The following ADAMTS18 variants were observed in gnomAD, a reference collection of about 807,000 sequenced individuals.
ADAMTS18 encodes the protein ADAM metallopeptidase with thrombospondin type 1 motif 18.
A neutral mutation model predicts 165.9 loss-of-function variants in ADAMTS18; 157 were observed. The ratio of observed to expected loss-of-function variants is 0.95; its 90% CI spans 0.83 to 1.08. The LOEUF (loss-of-function observed/expected upper bound fraction) is 1.08. Among genes scored for constraint, ADAMTS18 ranks in the 50% least tolerant of loss-of-function variants. The probability of loss-of-function intolerance (pLI) is 0.00; values close to 1 mark genes in which losing one functional copy is unlikely to be tolerated. For synonymous variants in ADAMTS18, 782 were observed against 578.2 expected, an observed-to-expected ratio of 1.35 and a Z score of -5.06; for missense variants, 2,040 against 1,534.0, an observed-to-expected ratio of 1.33 and a Z score of -5.51.
At chr16:77,415,449 G>A (rs190797683) in intron 3 of ADAMTS18, among the ~76,000 whole-genome samples, 1 of 152,112 alleles carries the variant, frequency 6.6e-6, no homozygotes, top group Non-Finnish European at 1.5e-5. Flanking sequence ...ACTCTCAGGG[G>A]GCAAGATGGT....
At chr16:77,323,686 C>T (rs2056044451) in intron 13 of ADAMTS18, among the ~76,000 whole-genome samples, 1 of 152,014 alleles carries the variant, frequency 6.6e-6, no homozygotes, top group African/African-American at 2.4e-5. Context: ...AAAAGTCTTC[C>T]CTTGTTCTTC....
intron 3 of ADAMTS18, among the ~76,000 whole-genome samples, chr16:77,391,034 T>C (rs145960780): frequency 5.9e-5 from 9 of 152,314 alleles, no homozygotes; most frequent in African/African-American, 2.2e-4. Flanking sequence ...CAATTGTGCA[T>C]GACTCCTTTC....
chr16:77,286,538 TATGAATGCTCAGAAAG>T (rs2055254955), intron 22 of ADAMTS18, among the ~76,000 whole-genome samples: 1 of 152,208 alleles, frequency 6.6e-6, no homozygotes, highest in Non-Finnish European at 1.5e-5. Context: ...TTCCCAGTTT[TATGAATGCTCAGAAAG>T]TTCAAAACTT....
intron 9 of ADAMTS18, 63 bp from the exon 10 acceptor site, chr16:77,353,949 A>G: frequency 1.3e-6 from 2 of 1,598,962 alleles, no homozygotes; most frequent in Non-Finnish European, 1.7e-6. Context: ...ATTTACGACA[A>G]CACACTTCTG....
intron 3 of ADAMTS18, among the ~76,000 whole-genome samples, chr16:77,426,734 G>T (rs1297850561): frequency 6.6e-6 from 1 of 152,140 alleles, no homozygotes; most frequent in Non-Finnish European, 1.5e-5. Flanking sequence ...AATGAAAAAA[G>T]GATAGGGTGG....
intron 22 of ADAMTS18, 73 bp downstream of exon 22, chr16:77,289,191 C>A (rs199777997): frequency 6.4e-7 from 1 of 1,571,874 alleles, no homozygotes; most frequent in African/African-American, 1.4e-5. Flanking sequence ...ACAGGCTGCA[C>A]TACTAACAAA....
At chr16:77,311,855 G>C (rs962869953) in intron 16 of ADAMTS18, among the ~76,000 whole-genome samples, 1 of 151,798 alleles carries the variant, frequency 6.6e-6, no homozygotes, top group South Asian at 2.1e-4. Context: ...AGTTTTTCTT[G>C]AATCTATTGG....
At chr16:77,422,781 A>G (rs1223892960) in intron 3 of ADAMTS18, among the ~76,000 whole-genome samples, 3 of 152,176 alleles carry the variant, frequency 2.0e-5, no homozygotes, top group Non-Finnish European at 4.4e-5. Context: ...CTTACAATAT[A>G]TAAACAAGAA....
chr16:77,293,370 G>T, intron 19 of ADAMTS18, 112 bp from the exon 20 acceptor site: 1 of 944,430 alleles, frequency 1.1e-6, no homozygotes, highest in Non-Finnish European at 1.7e-6. Flanking sequence ...TAAACTCCAT[G>T]AACTAAAGCT....
chr16:77,392,664 T>C (rs949201310), intron 3 of ADAMTS18, among the ~76,000 whole-genome samples: 44 of 152,166 alleles, frequency 2.9e-4, no homozygotes, highest in Non-Finnish European at 7.3e-5. Flanking sequence ...CACTGCTGTA[T>C]TCCCAGTGCC....
At position 77,283,578 on chromosome 16, in the gene ADAMTS18, G is replaced by GAAGTCATAAAGGACCTTTT. The variant is rs2055189677; in HGVS notation, c.*359_*377dup. On this transcript the variant is annotated 3_prime_UTR_variant, in exon 23 of 23. Coordinates refer to ENST00000282849, the MANE Select transcript of ADAMTS18 (RefSeq NM_199355.4). Reference sequence around the variant, plus strand: ...AGTTCTGAGTCTCAGTCTTTGACCTGAAGTCATAAAGGACCTTTTTAAAAC... The same window carrying GAAGTCATAAAGGACCTTTT: ...AGTTCTGAGTCTCAGTCTTTGACCTGAAGTCATAAAGGACCTTTTAAGTCATAAAGGACCTTTTTAAAAC... 1 of 233,162 alleles carries GAAGTCATAAAGGACCTTTT rather than the reference G, an allele frequency of 4.3e-6. No homozygotes were observed. The highest frequency in any genetic ancestry group is 1.2e-4 in the East Asian group (1 of 8,638). 14.4% of individuals were successfully genotyped at this position (233,162 alleles called of 1,614,324 possible). A position where few individuals can be genotyped will look rare whatever the true frequency, so the allele number is the denominator to read the frequency against.
chr16:77,363,254 T>A (rs2056742235), intron 6 of ADAMTS18, among the ~76,000 whole-genome samples: 1 of 152,230 alleles, frequency 6.6e-6, no homozygotes, highest in South Asian at 2.1e-4. Context: ...TGCATCTTAC[T>A]GTGATCAATC....
chr16:77,300,903 G>A (rs2055570262), intron 16 of ADAMTS18, among the ~76,000 whole-genome samples: 1 of 152,142 alleles, frequency 6.6e-6, no homozygotes, highest in Admixed American at 6.6e-5. Flanking sequence ...GTTGAAACAA[G>A]GGAAACACTC....
At chr16:77,381,534 T>G (rs1597202432) in intron 3 of ADAMTS18, among the ~76,000 whole-genome samples, 1 of 152,062 alleles carries the variant, frequency 6.6e-6, no homozygotes, top group South Asian at 2.1e-4. Flanking sequence ...CTGGGTGGGG[T>G]GGCTCACGCC....
At chr16:77,369,250 G>A (rs1045823996) in intron 3 of ADAMTS18, among the ~76,000 whole-genome samples, 1 of 151,964 alleles carries the variant, frequency 6.6e-6, no homozygotes, top group East Asian at 1.9e-4. Flanking sequence ...CATAGTCTAA[G>A]CTAAAGATTT....
intron 22 of ADAMTS18, among the ~76,000 whole-genome samples, chr16:77,285,551 G>A (rs181128525): frequency 6.6e-6 from 1 of 151,194 alleles, no homozygotes; most frequent in Non-Finnish European, 1.5e-5. Context: ...GAAATGCTTA[G>A]AGTTCCTTCT....
intron 3 of ADAMTS18, among the ~76,000 whole-genome samples, chr16:77,414,518 T>C (rs2057504966): frequency 6.6e-6 from 1 of 152,234 alleles, no homozygotes; most frequent in Non-Finnish European, 1.5e-5. Context: ...TATTTCTTTT[T>C]GCTTTATTTT....
Position 77,359,366 on chromosome 16 carries a change from T to C in ADAMTS18, c.1274A>G (p.Asp425Gly), listed in dbSNP as rs777340766. Residue 425 changes from aspartate to glycine, a missense_variant, in exon 8 of 23, where the codon GAC (aspartate) becomes GGC (glycine). Transcript: ENST00000282849. The stretch of plus-strand genomic sequence containing the variant: ...GGTGAAGGCAAGGCCAAGTCCTGTG[T>C]CCTCATTGATGGTACAACTTCGGTA... ...SKYRSCTINE[D>G]TGLGLAFTIA... is the part of the protein sequence containing the mutation. 3 of 1,614,142 alleles carry C rather than the reference T, an allele frequency of 1.9e-6. No individual in the cohort carries two copies. The South Asian group carries it at 3.3e-5, about 18-fold the overall frequency.
chr16:77,309,952 A>G (rs1188102581), intron 16 of ADAMTS18, among the ~76,000 whole-genome samples: 2 of 152,188 alleles, frequency 1.3e-5, no homozygotes, highest in African/African-American at 4.8e-5. Flanking sequence ...ATCAAATTTC[A>G]TTACTTTAAA....
Sources: gnomAD v4.1 joint callset for allele counts (sites outside exome capture counted in the v4.1 genomes callset) on GRCh38, gnomAD v4.1.1 for gene constraint, MANE v1.5 for transcripts, NCBI Gene and HGNC (gene_info 2026-07-23, HGNC 2026-07-21) for gene names.